The following CACNA2D3 variants were observed in gnomAD, a reference collection of about 807,000 sequenced individuals.
CACNA2D3 encodes calcium voltage-gated channel auxiliary subunit alpha2delta 3.
A neutral mutation model predicts 160.6 loss-of-function variants in CACNA2D3; 60 were observed. The ratio of observed to expected loss-of-function variants is 0.37; its 90% CI spans 0.30 to 0.46. The LOEUF (loss-of-function observed/expected upper bound fraction) is 0.46. Ranked by LOEUF, CACNA2D3 falls within the 20% of genes least tolerant of loss-of-function variation. The probability of loss-of-function intolerance (pLI) is 1.00; values close to 1 mark genes in which losing one functional copy is unlikely to be tolerated. For missense variants in CACNA2D3, 1,205 were observed against 1,365.0 expected, an observed-to-expected ratio of 0.88 and a Z score of 1.85; for synonymous variants, 558 against 492.9, an observed-to-expected ratio of 1.13 and a Z score of -1.75.
intron 2 of CACNA2D3, among the ~76,000 whole-genome samples, chr3:54,296,873 G>A (rs1044404285): frequency 2.6e-5 from 4 of 152,220 alleles, no homozygotes; most frequent in Admixed American, 6.5e-5. Context: ...CGGGAGATTA[G>A]TGGACACCCT....
chr3:54,785,656 C>T (rs375319225), intron 13 of CACNA2D3, among the ~76,000 whole-genome samples: 13 of 152,230 alleles, frequency 8.5e-5, no homozygotes, highest in African/African-American at 3.1e-4. Context: ...GAATGCAAAT[C>T]CTGCATGACA....
chr3:54,342,152 A>G (rs897344145), intron 3 of CACNA2D3, among the ~76,000 whole-genome samples: 2 of 152,246 alleles, frequency 1.3e-5, no homozygotes, highest in Non-Finnish European at 1.5e-5. Context: ...ATGTAAAAGT[A>G]CTATAGCAGT....
intron 2 of CACNA2D3, among the ~76,000 whole-genome samples, chr3:54,145,109 A>C (rs1700000961): frequency 6.6e-6 from 1 of 152,202 alleles, no homozygotes; most frequent in Non-Finnish European, 1.5e-5. Flanking sequence ...AAGATAGACC[A>C]AGATCTAAGT....
At chr3:54,309,060 T>C (rs1703672419) in intron 2 of CACNA2D3, among the ~76,000 whole-genome samples, 1 of 152,356 alleles carries the variant, frequency 6.6e-6, no homozygotes, top group East Asian at 1.9e-4. Context: ...GTAATTATTG[T>C]TTTGGCTGTG....
At chr3:54,501,557 C>G (rs1701294579) in intron 4 of CACNA2D3, among the ~76,000 whole-genome samples, 2 of 151,462 alleles carry the variant, frequency 1.3e-5, no homozygotes, top group African/African-American at 4.8e-5. Context: ...CAGGCGGGTG[C>G]TGCTGCAACC....
chr3:54,135,458 C>G (rs1699797858), intron 2 of CACNA2D3, among the ~76,000 whole-genome samples: 1 of 152,236 alleles, frequency 6.6e-6, no homozygotes, highest in Non-Finnish European at 1.5e-5. Context: ...CAGGCGCAGC[C>G]TGCACCAACA....
intron 12 of CACNA2D3, among the ~76,000 whole-genome samples, chr3:54,760,994 G>C (rs1702070462): frequency 6.6e-6 from 1 of 152,064 alleles, no homozygotes; most frequent in African/African-American, 2.4e-5. Flanking sequence ...CAGAACCTTG[G>C]CTATGATAAG....
chr3:54,793,623 C>T (rs1683021466), intron 13 of CACNA2D3, among the ~76,000 whole-genome samples: 2 of 152,194 alleles, frequency 1.3e-5, no homozygotes, highest in South Asian at 4.1e-4. Context: ...TCGCCTAGAA[C>T]TCTAATGGAT....
intron 27 of CACNA2D3, chr3:54,925,154 G>C: frequency 6.2e-7 from 1 of 1,614,120 alleles, no homozygotes; most frequent in Non-Finnish European, 8.5e-7. Flanking sequence ...AGTAACACTT[G>C]TCCGGGCAGC....
At chr3:54,362,419 G>A (rs1698758343) in intron 3 of CACNA2D3, among the ~76,000 whole-genome samples, 1 of 152,138 alleles carries the variant, frequency 6.6e-6, no homozygotes, top group African/African-American at 2.4e-5. Context: ...GGGAATCAAT[G>A]GCTCCCATTT....
chr3:54,137,095 T>G (rs1699827329), intron 2 of CACNA2D3, among the ~76,000 whole-genome samples: 1 of 152,196 alleles, frequency 6.6e-6, no homozygotes, highest in South Asian at 2.1e-4. Context: ...GAGGCTGTGT[T>G]GTCCTGGGCC....
chr3:54,498,755 A>G (rs181407423), intron 4 of CACNA2D3, among the ~76,000 whole-genome samples: 2 of 152,092 alleles, frequency 1.3e-5, no homozygotes, highest in African/African-American at 4.8e-5. Context: ...GTTGCATCTC[A>G]CAAATATTGA....
At chr3:55,005,322 C>T (rs1180672448) in intron 32 of CACNA2D3, among the ~76,000 whole-genome samples, 5 of 152,042 alleles carry the variant, frequency 3.3e-5, no homozygotes, top group African/African-American at 1.2e-4. Flanking sequence ...AAAAAAGCCA[C>T]TGCTATATCA....
At chr3:54,194,307 A>G (rs1481319469) in intron 2 of CACNA2D3, among the ~76,000 whole-genome samples, 1 of 152,218 alleles carries the variant, frequency 6.6e-6, no homozygotes, top group Non-Finnish European at 1.5e-5. Flanking sequence ...TACACATTCT[A>G]TGCATGGAAC....
chr3:55,010,047 C>A (rs1703176128), intron 34 of CACNA2D3, among the ~76,000 whole-genome samples: 1 of 152,092 alleles, frequency 6.6e-6, no homozygotes, highest in Non-Finnish European at 1.5e-5. Flanking sequence ...TTTATCTTAG[C>A]AAGTGAATGT....
intron 5 of CACNA2D3, among the ~76,000 whole-genome samples, chr3:54,539,022 A>G (rs1001746127): frequency 6.6e-6 from 1 of 152,160 alleles, no homozygotes; most frequent in Admixed American, 6.5e-5. Flanking sequence ...CGTCTGTAAA[A>G]TGAGAATTAC....
intron 11 of CACNA2D3, among the ~76,000 whole-genome samples, chr3:54,702,199 T>C (rs550609631): frequency 6.6e-6 from 1 of 152,246 alleles, no homozygotes; most frequent in East Asian, 1.9e-4. Context: ...GACATAGGCC[T>C]TGGGAAAGAA....
chr3:54,682,574 G>A (rs36061401), intron 11 of CACNA2D3, among the ~76,000 whole-genome samples: 21,855 of 152,132 alleles, frequency 0.14, 1,772 homozygotes, highest in South Asian at 0.27. Flanking sequence ...TGGTGCCACT[G>A]CACTCCAGCC....
intron 14 of CACNA2D3, among the ~76,000 whole-genome samples, chr3:54,827,600 T>C (rs903011639): frequency 3.3e-5 from 5 of 152,204 alleles, no homozygotes; most frequent in African/African-American, 1.2e-4. Context: ...CACCAGCTTC[T>C]CAGCACTTCC....
Sources: allele counts gnomAD v4.1 joint callset (sites outside exome capture counted in the v4.1 genomes callset), GRCh38; gene constraint gnomAD v4.1.1; transcripts MANE v1.5; gene names NCBI Gene and HGNC (gene_info 2026-07-23, HGNC 2026-07-21).